PCLO: variants seen among roughly 807,000 people sequenced by gnomAD.
PCLO encodes protein piccolo.
In PCLO, 82 loss-of-function variants were observed where a neutral mutation model predicts 427.5. The ratio of observed to expected loss-of-function variants is 0.19; its 90% confidence interval spans 0.16 to 0.23. The LOEUF (loss-of-function observed/expected upper bound fraction) is 0.23. Ranked by LOEUF, PCLO falls within the 10% of genes least tolerant of loss-of-function variation. The pLI is 1.00. For synonymous variants in PCLO, 2,357 were observed against 2,155.4 expected (o/e 1.09, Z -2.59); for missense variants, 6,239 against 6,115.9 (o/e 1.02, Z -0.67).
At chr7:82,949,404 C>T in intron 6 of PCLO, 72 bp downstream of exon 6, 1 of 1,159,114 alleles carries the variant, frequency 8.6e-7, no homozygotes, top group Non-Finnish European at 1.2e-6. Context: ...AGCCTGATCG[C>T]CTCCTAAAAG....
In PCLO at chr7:82,902,624, A is replaced by G. The variant is rs540606670; in HGVS notation, c.13528+27T>C. On this transcript the variant is annotated intron_variant, in intron 9 of 24. Transcript: ENST00000333891. The stretch of plus-strand genomic sequence containing the variant: ...CAAAACAAAACAAAAAAACAAAAAA[A>G]ATATTAGATTATATGATTTGCTTTA... The G allele has an allele frequency of 4.5e-6, 6 of 1,322,654 alleles. No individual in the cohort carries two copies. The African/African-American group carries it at 8.9e-5, about 20-fold the overall frequency. The allele number at this position is 1,322,654 out of a possible 1,614,324, so 81.9% of individuals were successfully genotyped here. A position where few individuals can be genotyped will look rare whatever the true frequency, so the allele number is the denominator to read the frequency against.
intron 2 of PCLO, among the ~76,000 whole-genome samples, chr7:83,136,328 T>C (rs2116622972): frequency 6.6e-6 from 1 of 152,228 alleles, no homozygotes; most frequent in East Asian, 1.9e-4. Context: ...AAAATTTGTT[T>C]TTTCTTAGAT....
intron 3 of PCLO, among the ~76,000 whole-genome samples, chr7:83,018,784 C>G (rs1788270499): frequency 6.6e-6 from 1 of 151,928 alleles, no homozygotes; most frequent in Non-Finnish European, 1.5e-5. Flanking sequence ...AATTTGGAAG[C>G]TTATTAACAA....
At chr7:83,038,352 G>T (rs1406719556) in intron 3 of PCLO, among the ~76,000 whole-genome samples, 1 of 151,004 alleles carries the variant, frequency 6.6e-6, no homozygotes, top group East Asian at 2.0e-4. Context: ...GCTCCATAAC[G>T]TTTAGTTATC....
intron 1 of PCLO, among the ~76,000 whole-genome samples, chr7:83,161,921 A>G (rs1291208584): frequency 6.6e-6 from 1 of 152,234 alleles, no homozygotes; most frequent in Non-Finnish European, 1.5e-5. Context: ...TTTAGACATC[A>G]TTCACAGAGA....
rs139915790 is a variant in PCLO at position 82,901,105 on chromosome 7, G to A, written c.13528+1546C>T. Among the ~76,000 whole-genome samples, 148 of 151,880 alleles carry A rather than the reference G, an allele frequency of 9.7e-4. 1 individual carries two copies. The highest frequency in any genetic ancestry group is 4.9e-3 in the East Asian group (25 of 5,120). On this transcript the variant is annotated intron_variant, in intron 9 of 24. Transcript: ENST00000333891. ...TTCTTAATACAGCAATAACTGCAGA[G>A]CATTGTAATACCATGTGCATTAAAA...
chr7:83,160,461 A>G (rs542305114), intron 1 of PCLO, among the ~76,000 whole-genome samples: 1 of 152,136 alleles, frequency 6.6e-6, no homozygotes, highest in Non-Finnish European at 1.5e-5. Flanking sequence ...AACCATATAT[A>G]GGGAAAATAA....
At chr7:82,866,481 TA>T (rs1327953916) in intron 10 of PCLO, among the ~76,000 whole-genome samples, 3 of 151,842 alleles carry the variant, frequency 2.0e-5, no homozygotes, top group East Asian at 1.9e-4. Flanking sequence ...CAATATGTAC[TA>T]AAAAAAACTT....
At chr7:82,762,402 A>G (rs1196392037) in intron 22 of PCLO, among the ~76,000 whole-genome samples, 3 of 152,040 alleles carry the variant, frequency 2.0e-5, no homozygotes, top group Admixed American at 2.0e-4. Context: ...TGTAAATAGA[A>G]GCCATGTTAA....
At chr7:82,771,193 T>C (rs943275587) in intron 22 of PCLO, among the ~76,000 whole-genome samples, 1 of 151,922 alleles carries the variant, frequency 6.6e-6, no homozygotes, top group African/African-American at 2.4e-5. Context: ...TGTATGAAAA[T>C]GGAGCCACTA....
At chr7:82,984,368 A>C (rs541875895) in intron 3 of PCLO, among the ~76,000 whole-genome samples, 1 of 151,432 alleles carries the variant, frequency 6.6e-6, no homozygotes, top group East Asian at 1.9e-4. Context: ...TGGTATTGTC[A>C]AAACTGTCTA....
chr7:82,882,407 T>C (rs1241941191), intron 9 of PCLO, among the ~76,000 whole-genome samples: 3 of 152,166 alleles, frequency 2.0e-5, no homozygotes, highest in Admixed American at 6.6e-5. Flanking sequence ...CTCTCTGCTT[T>C]TGTTTCATCT....
intron 3 of PCLO, among the ~76,000 whole-genome samples, chr7:83,076,812 G>T (rs1583990410): frequency 6.6e-6 from 1 of 151,666 alleles, no homozygotes; most frequent in East Asian, 2.0e-4. Context: ...AGGAACATGT[G>T]ACCTTCCTAC....
At position 82,871,189 on chromosome 7, in the gene PCLO, C is replaced by T. The variant is rs572933920; in HGVS notation, c.13654+8148G>A. Among the ~76,000 whole-genome samples the T allele has an allele frequency of 1.7e-3, 258 of 151,914 alleles. 1 individual carries two copies. The highest frequency in any genetic ancestry group is 3.4e-3 in the Middle Eastern group (1 of 294). ...CTATTACAGCACTATTCAAAATAGC[C>T]AAGAGATGGAATCAAACTGTGTTCA... On this transcript the variant is annotated intron_variant, in intron 10 of 24. Transcript: ENST00000333891.
chr7:82,829,364 G>A (rs1792032555), intron 16 of PCLO, among the ~76,000 whole-genome samples: 1 of 152,152 alleles, frequency 6.6e-6, no homozygotes, highest in African/African-American at 2.4e-5. Flanking sequence ...AGTCTGGGAT[G>A]AGGCTTGAGT....
chr7:82,920,824 C>T (rs1794578051), intron 6 of PCLO, among the ~76,000 whole-genome samples: 1 of 151,444 alleles, frequency 6.6e-6, no homozygotes, highest in Non-Finnish European at 1.5e-5. Context: ...ATTCTCTGAG[C>T]TCAACATGAG....
In PCLO at chr7:82,755,092, C is replaced by T. The variant is rs1301671448; in HGVS notation, c.*3483G>A. On this transcript the variant is annotated 3_prime_UTR_variant, in exon 25 of 25. Coordinates refer to ENST00000333891, the MANE Select transcript of PCLO (RefSeq NM_033026.6). ...TTATTTTACTTCACATCACCACCAC[C>T]GCTAATATCACTACTGCTACCACCA... 2.6e-5 allele frequency: 4 copies of T among 152,062 alleles called. No individual in the cohort carries two copies. Among genetic ancestry groups the T allele is most frequent in the East Asian group, 1.9e-4 (1 of 5,176 alleles). 9.4% of individuals were successfully genotyped at this position (152,062 alleles called of 1,614,324 possible).
chr7:83,101,057 G>C (rs1790724861), intron 3 of PCLO, among the ~76,000 whole-genome samples: 1 of 151,812 alleles, frequency 6.6e-6, no homozygotes, highest in South Asian at 2.1e-4. Context: ...TTTATTTATA[G>C]TTACCTTTCA....
At chr7:82,843,812 G>T (rs890863487) in intron 13 of PCLO, among the ~76,000 whole-genome samples, 2 of 151,674 alleles carry the variant, frequency 1.3e-5, no homozygotes, top group African/African-American at 4.8e-5. Context: ...CTACAGGCAT[G>T]TGCCACCAGA....
Sources: allele counts gnomAD v4.1 joint callset (sites outside exome capture counted in the v4.1 genomes callset), GRCh38; gene constraint gnomAD v4.1.1; transcripts MANE v1.5; gene names NCBI Gene and HGNC (gene_info 2026-07-23, HGNC 2026-07-21).